Variants in SUMF1 observed in about 807,000 individuals in gnomAD.
The protein encoded by SUMF1 is formylglycine-generating enzyme.
Under a neutral mutation model 47.6 loss-of-function variants are expected in SUMF1, and 48 were observed. The ratio of observed to expected loss-of-function variants is 1.01; its 90% CI spans 0.80 to 1.28. The LOEUF (loss-of-function observed/expected upper bound fraction) is 1.28. SUMF1 is among the 50% of genes most tolerant of loss of function. The pLI is 0.00. For synonymous variants in SUMF1, 230 were observed against 192.1 expected (o/e 1.20, Z -1.63); for missense variants, 571 against 485.4 (o/e 1.18, Z -1.66).
chr3:4,196,736 A>G (rs187998696), intron 8 of SUMF1, among the ~76,000 whole-genome samples: 1 of 152,262 alleles, frequency 6.6e-6, no homozygotes, highest in East Asian at 1.9e-4. Flanking sequence ...TCTAAGCAAT[A>G]AAATATTTCC....
At chr3:4,374,428 G>T (rs1371181082) in intron 8 of SUMF1, among the ~76,000 whole-genome samples, 1 of 151,862 alleles carries the variant, frequency 6.6e-6, no homozygotes, top group African/African-American at 2.4e-5. Context: ...GAATCTACTG[G>T]GAAGCTTATA....
At chr3:4,278,520 T>C (rs1310232004) in intron 8 of SUMF1, among the ~76,000 whole-genome samples, 4 of 152,152 alleles carry the variant, frequency 2.6e-5, no homozygotes, top group African/African-American at 4.8e-5. Context: ...AAGAACATCC[T>C]AAGCTTGCTA....
intron 8 of SUMF1, chr3:4,313,960 T>G: frequency 2.1e-6 from 2 of 970,680 alleles, no homozygotes; most frequent in Non-Finnish European, 3.0e-6. Context: ...AATACTCACT[T>G]TCCTAGTTAG....
chr3:4,299,537 C>T (rs310710), intron 8 of SUMF1, among the ~76,000 whole-genome samples: 3 of 152,190 alleles, frequency 2.0e-5, no homozygotes, highest in East Asian at 1.9e-4. Flanking sequence ...GGCCAGATGT[C>T]GTCGCTTATG....
intron 7 of SUMF1, among the ~76,000 whole-genome samples, chr3:4,385,930 T>C (rs942058757): frequency 2.6e-5 from 4 of 152,242 alleles, no homozygotes; most frequent in Admixed American, 1.3e-4. Context: ...CAAAAATCAG[T>C]TGGGCATCAT....
intron 7 of SUMF1, among the ~76,000 whole-genome samples, chr3:4,398,599 C>G (rs1189990381): frequency 6.6e-6 from 1 of 151,924 alleles, no homozygotes; most frequent in African/African-American, 2.4e-5. Context: ...ACAAGTCAGA[C>G]GTCAGATACA....
chr3:4,093,278 T>A (rs562671361), intron 8 of SUMF1, among the ~76,000 whole-genome samples: 2 of 152,274 alleles, frequency 1.3e-5, no homozygotes, highest in South Asian at 4.2e-4. Flanking sequence ...CACTATCAAC[T>A]AACATTTGTA....
At chr3:4,303,890 A>G (rs1341331307) in intron 8 of SUMF1, 6 of 1,257,340 alleles carry the variant, frequency 4.8e-6, no homozygotes, top group Middle Eastern at 2.4e-4. Context: ...CGTGGGGCCT[A>G]TTAATGGATC....
chr3:4,125,994 C>T (rs570686246), intron 8 of SUMF1, among the ~76,000 whole-genome samples: 1 of 152,054 alleles, frequency 6.6e-6, no homozygotes, highest in South Asian at 2.1e-4. Flanking sequence ...ATTATTAAGC[C>T]CATGCTAGTG....
At chr3:4,163,350 CAGAG>C (rs1237314337) in intron 8 of SUMF1, among the ~76,000 whole-genome samples, 1 of 75,160 alleles carries the variant, frequency 1.3e-5, no homozygotes, top group Non-Finnish European at 2.5e-5. Context: ...GAGAGAGAGA[CAGAG>C]AGAGAGAGAA....
At chr3:4,342,931 T>G (rs756276917) in intron 8 of SUMF1, among the ~76,000 whole-genome samples, 4 of 152,138 alleles carry the variant, frequency 2.6e-5, no homozygotes, top group Non-Finnish European at 5.9e-5. Context: ...AAGTCCTCAT[T>G]TTACAGATAA....
chr3:4,144,507 A>T (rs148714445), intron 8 of SUMF1, among the ~76,000 whole-genome samples: 1,555 of 152,250 alleles, frequency 0.01, 17 homozygotes, highest in Admixed American at 0.017. Context: ...GAAAAACAAG[A>T]GACCAGAAAT....
chr3:4,356,450 G>A (rs1699620006), downstream of SUMF1, among the ~76,000 whole-genome samples: 3 of 151,680 alleles, frequency 2.0e-5, no homozygotes, highest in South Asian at 6.2e-4. Flanking sequence ...ACAGAGGACA[G>A]GAGTCTCATA....
intron 8 of SUMF1, among the ~76,000 whole-genome samples, chr3:4,142,602 G>A (rs1272590454): frequency 6.6e-6 from 1 of 152,010 alleles, no homozygotes; most frequent in Non-Finnish European, 1.5e-5. Context: ...GCTTGCTTAA[G>A]GACTACAAAA....
chr3:4,347,775 A>G (rs1265476882), intron 8 of SUMF1, among the ~76,000 whole-genome samples: 1 of 152,236 alleles, frequency 6.6e-6, no homozygotes, highest in Non-Finnish European at 1.5e-5. Flanking sequence ...TTTCACGTTT[A>G]GAAAACTGCA....
intron 9 of SUMF1, among the ~76,000 whole-genome samples, chr3:4,044,362 C>T (rs1480076591): frequency 6.6e-6 from 1 of 152,174 alleles, no homozygotes; most frequent in Non-Finnish European, 1.5e-5. Flanking sequence ...CTGCCCATCA[C>T]CACTTTCCAA....
intron 7 of SUMF1, among the ~76,000 whole-genome samples, chr3:4,408,346 G>A (rs921975235): frequency 1.7e-4 from 26 of 152,172 alleles, no homozygotes; most frequent in African/African-American, 6.3e-4. Flanking sequence ...GGCTAAAAGA[G>A]AAAGTAAACA....
intron 8 of SUMF1, among the ~76,000 whole-genome samples, chr3:4,159,100 T>C (rs945522107): frequency 6.6e-6 from 1 of 151,482 alleles, no homozygotes. Context: ...ACAATTACAG[T>C]GTAATAATAT....
At chr3:4,117,476 T>C (rs915615941) in intron 8 of SUMF1, among the ~76,000 whole-genome samples, 3 of 152,122 alleles carry the variant, frequency 2.0e-5, no homozygotes, top group Non-Finnish European at 4.4e-5. Flanking sequence ...TCCTTATCTT[T>C]TCTGGAACTT....
Sources: allele counts gnomAD v4.1 joint callset (sites outside exome capture counted in the v4.1 genomes callset), GRCh38; gene constraint gnomAD v4.1.1; transcripts MANE v1.5; gene names NCBI Gene and HGNC (gene_info 2026-07-23, HGNC 2026-07-21).